Variants in OLR1 observed in about 807,000 individuals in gnomAD.
OLR1 encodes the protein oxidized low density lipoprotein receptor 1.
In OLR1, 23 loss-of-function variants were observed where a neutral mutation model predicts 31.7. The ratio of observed to expected loss-of-function variants is 0.72; its 90% confidence interval spans 0.52 to 1.03. OLR1 has a LOEUF of 1.03. Ranked by LOEUF, OLR1 falls within the 50% of genes least tolerant of loss-of-function variation. The probability of loss-of-function intolerance (pLI) is 0.00; values close to 1 mark genes in which losing one functional copy is unlikely to be tolerated. For synonymous variants in OLR1, 117 were observed against 115.8 expected (o/e 1.01, Z -0.07); for missense variants, 286 against 315.7 (o/e 0.91, Z 0.71).
chr12:10,160,392 C>T lies in OLR1; in HGVS notation c.635G>A (p.Ser212Asn), dbSNP rs186250314. 1.2e-6 allele frequency: 2 copies of T among 1,613,936 alleles called. No homozygotes were observed. Among genetic ancestry groups the T allele is most frequent in the African/African-American group, 1.3e-5 (1 of 75,038 alleles). The change falls in exon 5 of 6, where the codon AGC (serine) becomes AAC (asparagine). Residue 212 changes from serine (S) to asparagine (N), a missense_variant. By Grantham distance (46) the Ser-to-Asn change is conservative (BLOSUM62 1). Coordinates refer to ENST00000309539, the MANE Select transcript of OLR1 (RefSeq NM_002543.4). ...FWMGLSRRNP[S>N]YPWLWEDGSP... ...ACCGTCCTCCCAGAGCCATGGGTAG[C>T]TGGGGTTCCTCCGAGACAGCCCCAT...
At chr12:10,162,096 G>A (rs148466215) in intron 3 of OLR1, among the ~76,000 whole-genome samples, 11 of 152,096 alleles carry the variant, frequency 7.2e-5, no homozygotes, top group African/African-American at 2.7e-4. Flanking sequence ...ACCAAAAACA[G>A]GACTTAGACA....
At chr12:10,165,949 A>T (rs1347334630) in intron 3 of OLR1, among the ~76,000 whole-genome samples, 18 of 151,952 alleles carry the variant, frequency 1.2e-4, no homozygotes, top group Admixed American at 9.8e-4. Context: ...GGTGGCTCAC[A>T]CCTGTAATCC....
chr12:10,172,491 A>C, upstream of OLR1: 1 of 163,236 alleles, frequency 6.1e-6, no homozygotes, highest in Middle Eastern at 3.1e-3. Context: ...TTTGTTTGCT[A>C]ATTTCATTAG....
At chr12:10,168,980 A>T in intron 2 of OLR1, 94 bp downstream of exon 2, 1 of 769,514 alleles carries the variant, frequency 1.3e-6, no homozygotes, top group Non-Finnish European at 2.0e-6. Context: ...GGCTGTTTGT[A>T]GTTGTTATGA....
chr12:10,172,180 T>C (rs187602041), upstream of OLR1: 2 of 752,396 alleles, frequency 2.7e-6, no homozygotes, highest in East Asian at 2.6e-5. Flanking sequence ...TACTGTTATC[T>C]AATAGAAGAA....
chr12:10,160,040 A>C lies in OLR1; in HGVS notation c.681-19T>G. ...TCTAAATCTGCAGGTAGGAAAAAAC[A>C]AAACAAACCAACAAAAAAACTTAGG... On this transcript the variant is annotated intron_variant, in intron 5 of 5. Coordinates refer to ENST00000309539, the MANE Select transcript of OLR1 (RefSeq NM_002543.4). 1 of 1,582,282 alleles carries C rather than the reference A, an allele frequency of 6.3e-7. No individual in the cohort carries two copies. The highest frequency in any genetic ancestry group is 8.6e-7 in the Non-Finnish European group (1 of 1,163,820).
chr12:10,166,391 G>A (rs566525669), intron 3 of OLR1, among the ~76,000 whole-genome samples: 31 of 151,890 alleles, frequency 2.0e-4, no homozygotes, highest in African/African-American at 7.2e-4. Flanking sequence ...AGCTGGGCGT[G>A]GTGATGGGAG....
At chr12:10,163,369 A>G (rs1277724019) in intron 3 of OLR1, among the ~76,000 whole-genome samples, 1 of 152,130 alleles carries the variant, frequency 6.6e-6, no homozygotes, top group Non-Finnish European at 1.5e-5. Context: ...CACTTTTAAC[A>G]ATCTATTTAC....
Position 10,159,646 on chromosome 12 carries a change from A to T in OLR1, c.*234T>A, listed in dbSNP as rs2137500097. ...AAATAAAAAGGGGAAAATGGACTTC[A>T]GGCTGGCAGGGAAGCTTGGGACAAG... On this transcript the variant is annotated 3_prime_UTR_variant, in exon 6 of 6. Transcript: ENST00000309539. The T allele has an allele frequency of 2.7e-6, 1 of 374,496 alleles. No individual in the cohort carries two copies. The highest frequency in any genetic ancestry group is 6.1e-5 in the South Asian group (1 of 16,422). The allele number at this position is 374,496 out of a possible 1,614,324, so 23.2% of individuals were successfully genotyped here.
At chr12:10,162,513 A>G (rs1020248782) in intron 3 of OLR1, among the ~76,000 whole-genome samples, 9 of 152,178 alleles carry the variant, frequency 5.9e-5, no homozygotes, top group Admixed American at 3.3e-4. Context: ...TAACCCCATC[A>G]TATTATGTAA....
intron 5 of OLR1, 130 bp downstream of exon 5, chr12:10,160,217 G>C (rs1451732847): frequency 2.2e-6 from 2 of 926,426 alleles, no homozygotes; most frequent in Non-Finnish European, 3.2e-6. Context: ...AGGAGACTTT[G>C]AGAAATTCCC....
chr12:10,160,749 C>A, intron 4 of OLR1, 37 bp downstream of exon 4: 1 of 1,604,422 alleles, frequency 6.2e-7, no homozygotes, highest in South Asian at 1.1e-5. Flanking sequence ...CCCTATCAAC[C>A]AATACTCCAC....
Position 10,159,734 on chromosome 12 carries a change from G to C in OLR1, c.*146C>G. The C allele has an allele frequency of 1.5e-6, 1 of 673,490 alleles. No individual in the cohort carries two copies. Among genetic ancestry groups the C allele is most frequent in the East Asian group, 2.7e-5 (1 of 36,494 alleles). 41.7% of individuals were successfully genotyped at this position (673,490 alleles called of 1,614,324 possible). ...TTGACATAAAGGTGCCAGGCTCCTG[G>C]AACCCCAGTTTCTGCAAAGGAGTTC... On this transcript the variant is annotated 3_prime_UTR_variant, in exon 6 of 6. Transcript: ENST00000309539.
intron 3 of OLR1, among the ~76,000 whole-genome samples, chr12:10,161,751 T>A (rs965546251): frequency 1.3e-5 from 2 of 151,974 alleles, no homozygotes; most frequent in Non-Finnish European, 2.9e-5. Flanking sequence ...ACACAAAAGA[T>A]TTTGAAAACT....
At chr12:10,162,029 C>G (rs191931285) in intron 3 of OLR1, among the ~76,000 whole-genome samples, 5 of 151,588 alleles carry the variant, frequency 3.3e-5, no homozygotes, top group African/African-American at 1.2e-4. Context: ...TCAATTTAAA[C>G]GAGATTTTAG....
intron 3 of OLR1, 115 bp downstream of exon 3, chr12:10,166,597 A>T: frequency 1.1e-6 from 1 of 939,374 alleles, no homozygotes. Flanking sequence ...ATTATGAATG[A>T]ATAATGATAT....
At chr12:10,169,440 T>A (rs922249113) in intron 1 of OLR1, among the ~76,000 whole-genome samples, 1 of 152,222 alleles carries the variant, frequency 6.6e-6, no homozygotes, top group African/African-American at 2.4e-5. Context: ...GAGCCAGGAT[T>A]CGATACCAGA....
At chr12:10,160,235 T>G (rs1189604250) in intron 5 of OLR1, 112 bp downstream of exon 5, 1 of 967,342 alleles carries the variant, frequency 1.0e-6, no homozygotes, top group Non-Finnish European at 1.5e-6. Context: ...CCCCCAAGCT[T>G]CTCTCTGGCA....
chr12:10,160,052 C>A (rs1565419146), intron 5 of OLR1, 31 bp from the exon 6 acceptor site: 4 of 1,571,960 alleles, frequency 2.5e-6, no homozygotes, highest in Admixed American at 3.8e-5. Flanking sequence ...AACAAACCAA[C>A]AAAAAAACTT....
Sources: allele counts gnomAD v4.1 joint callset (sites outside exome capture counted in the v4.1 genomes callset), GRCh38; gene constraint gnomAD v4.1.1; transcripts MANE v1.5; gene names NCBI Gene and HGNC (gene_info 2026-07-23, HGNC 2026-07-21).